Variants in PPFIA1 observed in about 807,000 individuals in gnomAD.
The protein encoded by PPFIA1 is liprin-alpha-1.
A neutral mutation model predicts 149.9 loss-of-function variants in PPFIA1; 25 were observed. The ratio of observed to expected loss-of-function variants is 0.17; its 90% CI spans 0.12 to 0.23. PPFIA1 has a LOEUF of 0.23. PPFIA1 is among the 10% of genes least tolerant of loss of function. The probability of loss-of-function intolerance (pLI) is 1.00; values close to 1 mark genes in which losing one functional copy is unlikely to be tolerated. For synonymous variants in PPFIA1, 549 were observed against 552.8 expected, an observed-to-expected ratio of 0.99 and a Z score of 0.10; for missense variants, 1,362 against 1,506.5, an observed-to-expected ratio of 0.90 and a Z score of 1.59.
chr11:70,320,215 G>A (rs184407694), intron 2 of PPFIA1: 2 of 152,336 alleles, frequency 1.3e-5, no homozygotes, highest in East Asian at 3.9e-4. Context: ...TTTAAGTAGA[G>A]AAACAAACCA....
rs780546617 is a variant in PPFIA1, at chr11:70,319,133, G to A, written c.265-5269G>A. Among the ~76,000 whole-genome samples, 3 of 152,158 alleles carry A rather than the reference G, an allele frequency of 2.0e-5. No individual in the cohort carries two copies. In the East Asian group the frequency reaches 5.8e-4, roughly 29 times the overall value. ...CTTCCCGTAGTCACTCCCTTCTCAG[G>A]AACCAATGACTCCATCCTTCACTTG... is the stretch of plus-strand genomic sequence containing the variant. On this transcript the variant is annotated intron_variant, in intron 2 of 27. Transcript: ENST00000253925.
At chr11:70,279,922 T>TGTGTGTGTG (rs1555077789) in intron 2 of PPFIA1, among the ~76,000 whole-genome samples, 3 of 151,678 alleles carry the variant, frequency 2.0e-5, no homozygotes, top group Non-Finnish European at 2.9e-5. Context: ...TGTGTGTATA[T>TGTGTGTGTG]TTTTGGGACA....
rs140135962 is a variant in PPFIA1 at position 70,274,932 on chromosome 11, C to T, written c.264+2496C>T. 7.9e-3 allele frequency among the ~76,000 whole-genome samples: 1,206 copies of T among 152,028 alleles called. 6 individuals are homozygous for T. Among genetic ancestry groups the T allele is most frequent in the Middle Eastern group, 0.024 (7 of 292 alleles). ...TGGGGTTTTACCATGTTGCCCAGGC[C>T]GGAGGATATGTGTACACTTCTGTTG... is the stretch of plus-strand genomic sequence containing the variant. On this transcript the variant is annotated intron_variant, in intron 2 of 27. Transcript: ENST00000253925.
intron 2 of PPFIA1, among the ~76,000 whole-genome samples, chr11:70,323,712 A>G (rs1246613619): frequency 2.0e-5 from 3 of 152,208 alleles, no homozygotes; most frequent in Non-Finnish European, 2.9e-5. Context: ...TTTTCTTACA[A>G]TGTTCACCTG....
intron 10 of PPFIA1, 83 bp downstream of exon 10, chr11:70,333,636 A>G: frequency 9.5e-7 from 1 of 1,056,946 alleles, no homozygotes; most frequent in Non-Finnish European, 1.4e-6. Flanking sequence ...AGGGCCTCCC[A>G]CCCCTGACTG....
Position 70,272,316 on chromosome 11 carries a change from C to G in PPFIA1, c.144C>G (p.Asp48Glu). The G allele has an allele frequency of 1.2e-6, 2 of 1,614,190 alleles. No homozygotes were observed. The highest frequency in any genetic ancestry group is 1.7e-5 in the Admixed American group (1 of 60,018). Residue 48 changes from aspartate to glutamate, a missense_variant, in exon 2 of 28, where the codon GAC (aspartate) becomes GAG (glutamate). Around this residue, in one of 7 missense-constraint regions of PPFIA1, gnomAD observed 100 missense variants for 106.2 expected, o/e 0.94. Transcript: ENST00000253925. ...QLMVSMLEER[D>E]RLLDTLRETQ... Reference sequence around the variant, plus strand: ...TGGTCTCCATGCTAGAAGAAAGGGACCGCCTTCTTGATACACTGAGAGAGA... The same window carrying G: ...TGGTCTCCATGCTAGAAGAAAGGGAGCGCCTTCTTGATACACTGAGAGAGA...
intron 27 of PPFIA1, among the ~76,000 whole-genome samples, 184 bp downstream of exon 27, chr11:70,382,342 A>G (rs1387027228): frequency 6.6e-6 from 1 of 152,206 alleles, no homozygotes; most frequent in African/African-American, 2.4e-5. Context: ...AATTGATCAT[A>G]AAGAGGTTAG....
intron 15 of PPFIA1, chr11:70,346,092 C>T (rs754611383): frequency 8.8e-6 from 3 of 342,298 alleles, no homozygotes; most frequent in East Asian, 8.5e-5. Context: ...ACTTACAAAA[C>T]GGGCCAACTG....
chr11:70,360,450 C>T (rs765412059), intron 19 of PPFIA1, among the ~76,000 whole-genome samples: 3 of 152,268 alleles, frequency 2.0e-5, no homozygotes, highest in Admixed American at 6.5e-5. Context: ...ATCCTCCCTG[C>T]GCCTTGGCCA....
At chr11:70,306,499 A>G (rs2052859740) in intron 2 of PPFIA1, among the ~76,000 whole-genome samples, 1 of 152,214 alleles carries the variant, frequency 6.6e-6, no homozygotes, top group Admixed American at 6.5e-5. Flanking sequence ...TAGAAAAATC[A>G]ATACAATGCC....
At chr11:70,276,149 C>G (rs1035431005) in intron 2 of PPFIA1, among the ~76,000 whole-genome samples, 1 of 152,094 alleles carries the variant, frequency 6.6e-6, no homozygotes, top group Admixed American at 6.6e-5. Context: ...CTCCATTACC[C>G]AGCCCGGAGT....
At chr11:70,330,394 T>C (rs541529714) in intron 8 of PPFIA1, 75 bp downstream of exon 8, 118 of 1,318,146 alleles carry the variant, frequency 9.0e-5, no homozygotes, top group Non-Finnish European at 1.1e-4. Flanking sequence ...TCTCTCACTT[T>C]CATGTTGGAA....
At chr11:70,294,313 G>A (rs114751358) in intron 2 of PPFIA1, among the ~76,000 whole-genome samples, 104 of 152,228 alleles carry the variant, frequency 6.8e-4, no homozygotes, top group African/African-American at 2.5e-3. Context: ...CAGAAGACCT[G>A]AGTGAACGTT....
At chr11:70,366,206 A>G (rs192801824) in intron 21 of PPFIA1, among the ~76,000 whole-genome samples, 54 of 152,332 alleles carry the variant, frequency 3.5e-4, no homozygotes, top group Admixed American at 1.5e-3. Context: ...TTTAATTAAT[A>G]TAGATTGCTT....
intron 2 of PPFIA1, among the ~76,000 whole-genome samples, chr11:70,304,620 A>G (rs537757712): frequency 6.6e-6 from 1 of 152,168 alleles, no homozygotes; most frequent in African/African-American, 2.4e-5. Flanking sequence ...ACAACCTGGG[A>G]CTTGTACTTG....
At chr11:70,312,062 C>T (rs987252110) in intron 2 of PPFIA1, among the ~76,000 whole-genome samples, 9 of 151,598 alleles carry the variant, frequency 5.9e-5, no homozygotes, top group Non-Finnish European at 1.0e-4. Flanking sequence ...CCAGGCTGCT[C>T]GAACTCCTGG....
intron 2 of PPFIA1, among the ~76,000 whole-genome samples, chr11:70,317,321 T>C (rs2053695764): frequency 6.6e-6 from 1 of 152,198 alleles, no homozygotes; most frequent in African/African-American, 2.4e-5. Flanking sequence ...TCTTAAACTT[T>C]GGAATGTCCC....
In PPFIA1 at chr11:70,362,173, A is replaced by G. The variant is rs763262863; in HGVS notation, c.2661A>G (p.Leu887=). 21 of 1,614,026 alleles carry G rather than the reference A, an allele frequency of 1.3e-5. No homozygotes were observed. The highest frequency in any genetic ancestry group is 1.8e-5 in the Non-Finnish European group (21 of 1,179,996). The change falls in exon 20 of 28, where the codon CTA becomes CTG. Residue 887 remains leucine, a synonymous_variant. Transcript: ENST00000253925. The part of the protein sequence containing the change: ...QWDGPTVVVW[L]ELWVGMPAWY... ...ACGGGCCAACGGTTGTGGTCTGGCT[A>G]GAGGTACATCCTTCATTTAACATGC... is the stretch of plus-strand genomic sequence containing the variant.
chr11:70,326,329 A>T lies in PPFIA1; in HGVS notation c.674A>T (p.His225Leu). 6.2e-7 allele frequency: 1 copy of T among 1,608,580 alleles called. No individual in the cohort carries two copies. The highest frequency in any genetic ancestry group is 8.5e-7 in the Non-Finnish European group (1 of 1,175,962). ...TLTDGVLDIN[H>L]EQENTPSTSG... is the part of the protein sequence containing the mutation. ...ACAGATGGAGTGCTGGACATAAACC[A>T]TGAACAAGAAAATACACCAAGCACG... Residue 225 changes from histidine (H) to leucine (L), a missense_variant, in exon 6 of 28, where the codon CAT becomes CTT. Around this residue, in one of 7 missense-constraint regions of PPFIA1, gnomAD observed 733 missense variants for 744.1 expected, o/e 0.99. Transcript: ENST00000253925.
Sources: gnomAD v4.1 joint callset for allele counts (sites outside exome capture counted in the v4.1 genomes callset) on GRCh38, gnomAD v4.1.1 for gene constraint, gnomAD v4.1.1 regional missense constraint, MANE v1.5 for transcripts, NCBI Gene and HGNC (gene_info 2026-07-23, HGNC 2026-07-21) for gene names.